CTNND2: variants seen among roughly 807,000 people sequenced by gnomAD.
CTNND2 encodes catenin delta-2.
CTNND2 carries 22 observed loss-of-function variants against 144.4 expected under a neutral mutation model. The ratio of observed to expected loss-of-function variants is 0.15; its 90% CI spans 0.11 to 0.22. The LOEUF (loss-of-function observed/expected upper bound fraction) is 0.22. Ranked by LOEUF, CTNND2 falls within the 10% of genes least tolerant of loss-of-function variation. CTNND2 has a pLI of 1.00. For missense variants in CTNND2, 1,353 were observed against 1,618.8 expected, an observed-to-expected ratio of 0.84 and a Z score of 2.82; for synonymous variants, 751 against 695.6, an observed-to-expected ratio of 1.08 and a Z score of -1.25.
intron 3 of CTNND2, among the ~76,000 whole-genome samples, chr5:11,541,159 C>A (rs1181476904): frequency 6.6e-6 from 1 of 152,138 alleles, no homozygotes; most frequent in East Asian, 1.9e-4. Context: ...CTGGAGTACT[C>A]CAAGAGCTGT....
intron 2 of CTNND2, among the ~76,000 whole-genome samples, chr5:11,619,600 T>G (rs564267941): frequency 6.8e-4 from 104 of 152,328 alleles, no homozygotes; most frequent in African/African-American, 2.5e-3. Flanking sequence ...CTACATGGGT[T>G]GTAATAAATA....
At chr5:11,178,212 T>C (rs567413312) in intron 11 of CTNND2, among the ~76,000 whole-genome samples, 8 of 152,192 alleles carry the variant, frequency 5.3e-5, no homozygotes, top group Non-Finnish European at 1.0e-4. Flanking sequence ...AGTCTTACTA[T>C]GAAATCAAAG....
At chr5:11,365,359 G>GC (rs1320706192) in intron 7 of CTNND2, among the ~76,000 whole-genome samples, 2 of 152,182 alleles carry the variant, frequency 1.3e-5, no homozygotes, top group Non-Finnish European at 2.9e-5. Context: ...CCCATCAGCA[G>GC]TTTTTCCCTG....
chr5:11,128,787 A>T (rs13184827), intron 12 of CTNND2, among the ~76,000 whole-genome samples: 3 of 39,730 alleles, frequency 7.6e-5, no homozygotes, highest in Non-Finnish European at 1.4e-4. Context: ...AAAATATATA[A>T]ATATATATTA....
chr5:11,543,896 A>C (rs781618173), intron 3 of CTNND2, among the ~76,000 whole-genome samples: 5 of 152,192 alleles, frequency 3.3e-5, no homozygotes, highest in Non-Finnish European at 7.4e-5. Flanking sequence ...CTTTCTTGGA[A>C]GACCATACCT....
intron 2 of CTNND2, among the ~76,000 whole-genome samples, chr5:11,620,044 G>C (rs761254469): frequency 6.6e-6 from 1 of 152,130 alleles, no homozygotes; most frequent in Non-Finnish European, 1.5e-5. Context: ...ATGATATTTT[G>C]CATTTCTTGA....
At chr5:11,106,415 G>A (rs1432769316) in intron 14 of CTNND2, among the ~76,000 whole-genome samples, 6 of 152,168 alleles carry the variant, frequency 3.9e-5, no homozygotes, top group African/African-American at 1.2e-4. Flanking sequence ...AAGGAAAAAA[G>A]TCAGTCTGTG....
intron 1 of CTNND2, among the ~76,000 whole-genome samples, chr5:11,897,234 T>G (rs1737467611): frequency 6.6e-6 from 1 of 152,196 alleles, no homozygotes; most frequent in South Asian, 2.1e-4. Context: ...TGTATACTGT[T>G]GAAGGTAATG....
chr5:11,715,910 T>C (rs6878016), intron 2 of CTNND2, among the ~76,000 whole-genome samples: 45,372 of 152,092 alleles, frequency 0.3, 8,840 homozygotes, highest in African/African-American at 0.56. Context: ...AGTTGAACAA[T>C]CAAGCATTCT....
chr5:11,307,580 A>C (rs1306454978), intron 9 of CTNND2, among the ~76,000 whole-genome samples: 2 of 152,178 alleles, frequency 1.3e-5, no homozygotes, highest in East Asian at 1.9e-4. Context: ...TCAGTATCTA[A>C]AGGGATCATC....
At chr5:11,529,451 G>A (rs933057760) in intron 3 of CTNND2, among the ~76,000 whole-genome samples, 1 of 152,180 alleles carries the variant, frequency 6.6e-6, no homozygotes, top group East Asian at 1.9e-4. Context: ...ACACACTGTG[G>A]TTCTACATAA....
chr5:11,313,302 G>T (rs1240100912), intron 9 of CTNND2, among the ~76,000 whole-genome samples: 1 of 152,164 alleles, frequency 6.6e-6, no homozygotes, highest in African/African-American at 2.4e-5. Flanking sequence ...GCCTGTGCAG[G>T]CTCCCCAGCC....
chr5:11,406,069 C>T (rs1761078640), intron 5 of CTNND2, among the ~76,000 whole-genome samples: 1 of 152,188 alleles, frequency 6.6e-6, no homozygotes, highest in Non-Finnish European at 1.5e-5. Flanking sequence ...ATCGCTTGAA[C>T]CCAGGAGGCA....
chr5:11,657,209 T>C (rs1782959986), intron 2 of CTNND2, among the ~76,000 whole-genome samples: 1 of 152,048 alleles, frequency 6.6e-6, no homozygotes, highest in African/African-American at 2.4e-5. Flanking sequence ...AGAAAGACAG[T>C]GGAATATTTT....
chr5:11,762,708 C>A (rs184623112), intron 1 of CTNND2, among the ~76,000 whole-genome samples: 273 of 152,202 alleles, frequency 1.8e-3, no homozygotes, highest in African/African-American at 6.4e-3. Flanking sequence ...CCTGGAGTTG[C>A]CTGGAGCAGC....
chr5:11,000,477 T>C (rs1267764760), intron 18 of CTNND2, among the ~76,000 whole-genome samples: 1 of 152,146 alleles, frequency 6.6e-6, no homozygotes, highest in Admixed American at 6.5e-5. Context: ...GCCGAGATTG[T>C]GCCACTGCAC....
chr5:11,139,871 T>G (rs112646160), intron 12 of CTNND2, among the ~76,000 whole-genome samples: 37 of 152,280 alleles, frequency 2.4e-4, no homozygotes, highest in African/African-American at 8.2e-4. Flanking sequence ...CAGGGGAGAA[T>G]GTTTCCCTGC....
At chr5:11,214,866 C>T (rs940085081) in intron 10 of CTNND2, among the ~76,000 whole-genome samples, 10 of 152,120 alleles carry the variant, frequency 6.6e-5, no homozygotes, top group African/African-American at 2.4e-4. Context: ...ATGGTATGAC[C>T]ACCCCTTCCC....
chr5:11,599,053 T>C (rs2126316420), intron 2 of CTNND2, among the ~76,000 whole-genome samples: 1 of 152,192 alleles, frequency 6.6e-6, no homozygotes, highest in Non-Finnish European at 1.5e-5. Context: ...CCATCAGATC[T>C]CATCAGATGT....
Sources: gnomAD v4.1 joint callset for allele counts (sites outside exome capture counted in the v4.1 genomes callset) on GRCh38, gnomAD v4.1.1 for gene constraint, MANE v1.5 for transcripts, NCBI Gene and HGNC (gene_info 2026-07-23, HGNC 2026-07-21) for gene names.